The following GRK4 variants were observed in gnomAD, a reference collection of about 807,000 sequenced individuals.
The protein encoded by GRK4 is G protein-coupled receptor kinase 2-like.
Under a neutral mutation model 77.9 loss-of-function variants are expected in GRK4, and 73 were observed. The observed-to-expected ratio is 0.94, with a 90% confidence interval of 0.78 to 1.14. The LOEUF is 1.14. Ranked by LOEUF, GRK4 falls within the 50% of genes most tolerant of loss-of-function variation. GRK4 has a pLI of 0.00. For missense variants in GRK4, 729 were observed against 700.2 expected (o/e 1.04, Z -0.46); for synonymous variants, 257 against 254.4 (o/e 1.01, Z -0.10).
chr4:2,992,064 G>A (rs2488817), intron 3 of GRK4, 151 bp from the exon 4 acceptor site: 1 of 301,456 alleles, frequency 3.3e-6, no homozygotes, highest in Non-Finnish European at 6.5e-6. Flanking sequence ...TTTTTTAAGA[G>A]ATGGGATCTC....
At chr4:2,972,212 A>G (rs1490523568) in intron 1 of GRK4, among the ~76,000 whole-genome samples, 2 of 152,106 alleles carry the variant, frequency 1.3e-5, no homozygotes, top group Non-Finnish European at 2.9e-5. Context: ...TCAACCCAGT[A>G]TGCTGCCCAG....
At chr4:2,987,304 A>G (rs1724702959) in intron 2 of GRK4, among the ~76,000 whole-genome samples, 4 of 152,220 alleles carry the variant, frequency 2.6e-5, no homozygotes, top group Admixed American at 1.3e-4. Context: ...ATTCCATTAT[A>G]TGGATATATC....
At chr4:3,036,986 A>T (rs2187694) in intron 13 of GRK4, among the ~76,000 whole-genome samples, 1 of 151,416 alleles carries the variant, frequency 6.6e-6, no homozygotes, top group Non-Finnish European at 1.5e-5. Flanking sequence ...TGCATCCCTG[A>T]CCTCTGTTTG....
intron 4 of GRK4, among the ~76,000 whole-genome samples, chr4:3,003,347 G>A (rs148943474): frequency 0.01 from 1,534 of 151,978 alleles, 27 homozygotes; most frequent in African/African-American, 0.036. Flanking sequence ...CTGCCACCAC[G>A]CCTGGCTAAT....
intron 10 of GRK4, among the ~76,000 whole-genome samples, chr4:3,024,278 GTC>G (rs974958610): frequency 6.6e-6 from 1 of 152,036 alleles, no homozygotes; most frequent in African/African-American, 2.4e-5. Flanking sequence ...TAAGGTCAGG[GTC>G]TCTCTATGCT....
chr4:2,983,563 T>C (rs921900424), intron 1 of GRK4, among the ~76,000 whole-genome samples: 2 of 152,252 alleles, frequency 1.3e-5, no homozygotes, highest in African/African-American at 4.8e-5. Context: ...CCTTCAGGCC[T>C]CTGCCTAAAT....
chr4:3,006,274 G>T (rs962913523), intron 5 of GRK4, among the ~76,000 whole-genome samples: 1 of 150,516 alleles, frequency 6.6e-6, no homozygotes, highest in African/African-American at 2.4e-5. Context: ...AGCTACTCAG[G>T]AAGGCTGAGG....
rs1198476835 is a variant in GRK4, at chr4:2,964,088, C to T, written c.18C>T (p.Ile6=). 2 of 1,608,910 alleles carry T rather than the reference C, an allele frequency of 1.2e-6. No individual in the cohort carries two copies. The highest frequency in any genetic ancestry group is 2.7e-5 in the African/African-American group (2 of 74,868). Residue 6 remains isoleucine (I), a synonymous_variant, in exon 1 of 16, where the codon ATC becomes ATT. Transcript: ENST00000398052. ...GCCAGGACATGGAGCTCGAGAACAT[C>T]GTGGCCAACTCGCTGCTGCTGAAAG... MELEN[I]VANSLLLKAR...
At chr4:2,989,274 A>C (rs1024818496) in intron 3 of GRK4, among the ~76,000 whole-genome samples, 2 of 152,174 alleles carry the variant, frequency 1.3e-5, no homozygotes, top group Admixed American at 6.5e-5. Flanking sequence ...TTAGGACAGA[A>C]ATCCCTTTAG....
chr4:2,996,353 G>A (rs377762282), intron 4 of GRK4, among the ~76,000 whole-genome samples: 2 of 152,016 alleles, frequency 1.3e-5, no homozygotes, highest in African/African-American at 2.4e-5. Flanking sequence ...TCAGAAGTTC[G>A]AGACCATCCT....
rs771383653 is a variant in GRK4, at chr4:2,963,933, C to G, written c.-138C>G. ...GTGGCAGTGGTGGCGGCGGAGCAGC[C>G]TCCCGGGATCGTGTCCGGAGCTCGA... On this transcript the variant is annotated 5_prime_UTR_variant, in exon 1 of 16. Coordinates refer to ENST00000398052, the MANE Select transcript of GRK4 (RefSeq NM_182982.3). 17 of 811,226 alleles carry G rather than the reference C, an allele frequency of 2.1e-5. No individual in the cohort carries two copies. Among genetic ancestry groups the G allele is most frequent in the Non-Finnish European group, 3.3e-5 (16 of 489,608 alleles). 50.3% of individuals were successfully genotyped at this position (811,226 alleles called of 1,614,324 possible). A position where few individuals can be genotyped will look rare whatever the true frequency, so the allele number is the denominator to read the frequency against.
intron 12 of GRK4, among the ~76,000 whole-genome samples, chr4:3,031,616 G>A (rs1444142360): frequency 6.6e-6 from 1 of 152,196 alleles, no homozygotes; most frequent in African/African-American, 2.4e-5. Context: ...ACAGGGAACG[G>A]CAGGTTCAAC....
chr4:2,977,849 G>T (rs76888592), intron 1 of GRK4, among the ~76,000 whole-genome samples: 2,651 of 152,312 alleles, frequency 0.017, 27 homozygotes, highest in Middle Eastern at 0.082. Context: ...CCCCACAGGG[G>T]ACTGGGAAAT....
intron 1 of GRK4, among the ~76,000 whole-genome samples, chr4:2,973,906 G>A (rs1027008583): frequency 3.9e-5 from 6 of 152,102 alleles, no homozygotes; most frequent in Admixed American, 2.0e-4. Flanking sequence ...AACCTCATCC[G>A]CCCTCTCTCA....
chr4:2,985,632 A>G (rs1026399959), intron 2 of GRK4, among the ~76,000 whole-genome samples: 1 of 152,142 alleles, frequency 6.6e-6, no homozygotes, highest in Non-Finnish European at 1.5e-5. Flanking sequence ...AATATGGTAT[A>G]TCAGTGTAAC....
In GRK4 at chr4:3,007,441, C is replaced by T. The variant is rs147392752; in HGVS notation, c.444-295C>T. On this transcript the variant is annotated intron_variant, in intron 5 of 15. Transcript: ENST00000398052. ...TGCTGTCCTCCAGAGGACCCTTCCA[C>T]TGTGTCTTGCACATGGGAAGCATGC... Among the ~76,000 whole-genome samples, 1,477 of 152,036 alleles carry T rather than the reference C, an allele frequency of 9.7e-3. 8 individuals are homozygous for T. The highest frequency in any genetic ancestry group is 0.017 in the Non-Finnish European group (1,132 of 67,940).
intron 8 of GRK4, among the ~76,000 whole-genome samples, chr4:3,014,297 T>TC (rs67549679): frequency 0.1 from 7,078 of 69,006 alleles, 154 homozygotes; most frequent in East Asian, 0.19. Context: ...TCTCTCTCTC[T>TC]TTTTTTTTTT....
chr4:2,989,614 G>C (rs1442267966), intron 3 of GRK4, among the ~76,000 whole-genome samples: 1 of 152,084 alleles, frequency 6.6e-6, no homozygotes, highest in Non-Finnish European at 1.5e-5. Context: ...AGATGATAGT[G>C]CTTGTTCGGC....
intron 11 of GRK4, 81 bp from the exon 12 acceptor site, chr4:3,029,120 G>A (rs1297118903): frequency 2.5e-5 from 27 of 1,066,122 alleles, no homozygotes; most frequent in Non-Finnish European, 3.5e-5. Context: ...CACGTTGAAT[G>A]TATACTGTGT....
Sources: gnomAD v4.1 joint callset for allele counts (sites outside exome capture counted in the v4.1 genomes callset) on GRCh38, gnomAD v4.1.1 for gene constraint, MANE v1.5 for transcripts, NCBI Gene and HGNC (gene_info 2026-07-23, HGNC 2026-07-21) for gene names.